FNDC3B: variants seen among roughly 807,000 people sequenced by gnomAD.
FNDC3B encodes fibronectin type III domain-containing protein 3B.
A neutral mutation model predicts 151.5 loss-of-function variants in FNDC3B; 12 were observed. The observed-to-expected ratio is 0.08, with a 90% CI of 0.05 to 0.13. FNDC3B has a LOEUF of 0.13. Among genes scored for constraint, FNDC3B ranks in the 10% least tolerant of loss-of-function variants. The pLI, the probability that FNDC3B is intolerant of heterozygous loss-of-function variation, is 1.00. For missense variants in FNDC3B, 1,214 were observed against 1,505.3 expected (o/e 0.81, Z 3.20); for synonymous variants, 528 against 549.0 (o/e 0.96, Z 0.54).
intron 1 of FNDC3B, among the ~76,000 whole-genome samples, chr3:172,087,376 C>T (rs1236395446): frequency 6.6e-6 from 1 of 152,012 alleles, no homozygotes; most frequent in African/African-American, 2.4e-5. Flanking sequence ...CACATAGAGG[C>T]TGATGTAATA....
chr3:172,202,249 G>A (rs1344057145), intron 3 of FNDC3B, among the ~76,000 whole-genome samples: 1 of 152,064 alleles, frequency 6.6e-6, no homozygotes, highest in African/African-American at 2.4e-5. Flanking sequence ...AGAAATTTGG[G>A]CTAAGCATTC....
Position 172,116,305 on chromosome 3 carries a change from G to A in FNDC3B, c.111+3715G>A, listed in dbSNP as rs1166169088. Among the ~76,000 whole-genome samples, 5 of 152,146 alleles carry A rather than the reference G, an allele frequency of 3.3e-5. No homozygotes were observed. The East Asian group carries it at 9.6e-4, about 29-fold the overall frequency. On this transcript the variant is annotated intron_variant, in intron 2 of 25. Coordinates refer to ENST00000415807, the MANE Select transcript of FNDC3B (RefSeq NM_022763.4). ...ATGTCATACCATTCACCCACTGAAA[G>A]TATACAATCATTGGAATCTGGTATA... is the stretch of plus-strand genomic sequence containing the variant.
rs950781489 is a variant in FNDC3B at position 172,062,233 on chromosome 3, G to A, written c.-29+22462G>A. Among the ~76,000 whole-genome samples, 5 of 151,736 alleles carry A rather than the reference G, an allele frequency of 3.3e-5. No homozygotes were observed. The East Asian group carries it at 9.6e-4, about 29-fold the overall frequency. ...AAATTTATTCTTTTCCTTTTCTAGGGTTGGGAATTTGCCTCCTTTCTTCCT... is the reference window on the plus strand; with the variant it reads ...AAATTTATTCTTTTCCTTTTCTAGGATTGGGAATTTGCCTCCTTTCTTCCT... On this transcript the variant is annotated intron_variant, in intron 1 of 25. Transcript: ENST00000415807.
chr3:172,078,767 A>G (rs1388381879), intron 1 of FNDC3B, among the ~76,000 whole-genome samples: 4 of 152,222 alleles, frequency 2.6e-5, no homozygotes. Context: ...GCTGCCACCC[A>G]GGTGTCTTTC....
At position 172,040,528 on chromosome 3, in the gene FNDC3B, G is replaced by C. The variant is rs1274498430; in HGVS notation, c.-29+757G>C. ...CTGGGGGCGGTAACCGGCGGCCGCG[G>C]CCGGACTTGGCGAGCCGGCGGCTGG... On this transcript the variant is annotated intron_variant, in intron 1 of 25. Coordinates refer to ENST00000415807, the MANE Select transcript of FNDC3B (RefSeq NM_022763.4). The surrounding 1 kb of genome is among the most constrained non-coding windows in gnomAD (Gnocchi z 6.6). 6.6e-6 allele frequency: 1 copy of C among 151,958 alleles called. No individual in the cohort carries two copies. Among genetic ancestry groups the C allele is most frequent in the Non-Finnish European group, 1.5e-5 (1 of 68,076 alleles). 9.4% of individuals were successfully genotyped at this position (151,958 alleles called of 1,614,324 possible).
At chr3:172,284,058 GT>G (rs1270886243) in intron 6 of FNDC3B, among the ~76,000 whole-genome samples, 3 of 152,106 alleles carry the variant, frequency 2.0e-5, no homozygotes, top group Non-Finnish European at 4.4e-5. Flanking sequence ...GTTTGGAGTG[GT>G]GCCAACTACA....
intron 6 of FNDC3B, among the ~76,000 whole-genome samples, chr3:172,259,420 G>A (rs1000658648): frequency 3.3e-5 from 5 of 152,164 alleles, no homozygotes; most frequent in Non-Finnish European, 4.4e-5. Context: ...GGGGCCGAGC[G>A]CACTTGAACG....
At chr3:172,167,256 T>C (rs1348075081) in intron 3 of FNDC3B, among the ~76,000 whole-genome samples, 2 of 152,096 alleles carry the variant, frequency 1.3e-5, no homozygotes, top group Non-Finnish European at 2.9e-5. Context: ...GTTAGCTGGG[T>C]ATGTTGGTGC....
In FNDC3B at chr3:172,207,618, G is replaced by T. The variant is rs560544427; in HGVS notation, c.188-19253G>T. Among the ~76,000 whole-genome samples the T allele has an allele frequency of 6.6e-5, 10 of 152,222 alleles. No individual in the cohort carries two copies. In the East Asian group the frequency reaches 1.9e-3, roughly 29 times the overall value. ...CCATGGGCGGCCATGGGCGGGGCCT[G>T]GAAAAAGTATCATCCAATTGGCCAA... On this transcript the variant is annotated intron_variant, in intron 3 of 25. Transcript: ENST00000415807.
At chr3:172,243,674 A>G (rs746304389) in intron 4 of FNDC3B, among the ~76,000 whole-genome samples, 15 of 152,200 alleles carry the variant, frequency 9.9e-5, no homozygotes, top group East Asian at 1.9e-4. Context: ...CATATCAGCC[A>G]TCTTCCTTTG....
chr3:172,070,234 C>T (rs1383162323), intron 1 of FNDC3B, among the ~76,000 whole-genome samples: 4 of 152,164 alleles, frequency 2.6e-5, no homozygotes, highest in Admixed American at 2.6e-4. Context: ...ATTAAATCAT[C>T]CTGTTACCGT....
At position 172,393,938 on chromosome 3, in the gene FNDC3B, C is replaced by A. The variant is rs145920821; in HGVS notation, c.3304-3226C>A. On this transcript the variant is annotated intron_variant, in intron 25 of 25. Coordinates refer to ENST00000415807, the MANE Select transcript of FNDC3B (RefSeq NM_022763.4). ...CCTGGCTAATAGGGTAAAACCCCTTCTCTACTAAAAATACAAAAAATTAGC... is the reference window on the plus strand; with the variant it reads ...CCTGGCTAATAGGGTAAAACCCCTTATCTACTAAAAATACAAAAAATTAGC... 7.3e-4 allele frequency among the ~76,000 whole-genome samples: 111 copies of A among 151,382 alleles called. 1 individual carries two copies. The East Asian group carries it at 0.019, about 26-fold the overall frequency.
chr3:172,351,382 G>A (rs977299321), intron 21 of FNDC3B, among the ~76,000 whole-genome samples: 1 of 152,228 alleles, frequency 6.6e-6, no homozygotes. Context: ...TCCCTGTGGA[G>A]CAGCAGGGAA....
chr3:172,377,703 T>C (rs1263224286), intron 23 of FNDC3B, among the ~76,000 whole-genome samples: 1 of 152,220 alleles, frequency 6.6e-6, no homozygotes, highest in African/African-American at 2.4e-5. Context: ...ACAGCATTTT[T>C]TTTTCTTTTT....
chr3:172,299,766 A>T (rs748107341), intron 9 of FNDC3B, among the ~76,000 whole-genome samples: 1 of 152,208 alleles, frequency 6.6e-6, no homozygotes, highest in Admixed American at 6.5e-5. Context: ...GAGGCAAGGT[A>T]GCCTAGTAGG....
intron 6 of FNDC3B, among the ~76,000 whole-genome samples, chr3:172,269,894 A>G (rs4894534): frequency 0.61 from 92,065 of 152,012 alleles, 29,476 homozygotes; most frequent in African/African-American, 0.84. Flanking sequence ...TGATCCGCCC[A>G]CCTCAGCCTC....
At chr3:172,285,592 G>A (rs1729968774) in intron 6 of FNDC3B, among the ~76,000 whole-genome samples, 1 of 152,154 alleles carries the variant, frequency 6.6e-6, no homozygotes, top group Non-Finnish European at 1.5e-5. Flanking sequence ...TCAGTTTCCA[G>A]GTACATTGGT....
chr3:172,333,288 T>C, intron 14 of FNDC3B, 113 bp downstream of exon 14: 1 of 719,030 alleles, frequency 1.4e-6, no homozygotes, highest in Non-Finnish European at 2.5e-6. Context: ...CACAGCACTT[T>C]ACATTTTGAA....
chr3:172,321,758 T>A lies in FNDC3B; in HGVS notation c.1255-7194T>A, dbSNP rs938779687. 1.1e-4 allele frequency: 21 copies of A among 192,352 alleles called. No homozygotes were observed. In the East Asian group the frequency reaches 3.2e-3, roughly 29 times the overall value. 11.9% of individuals were successfully genotyped at this position (192,352 alleles called of 1,614,324 possible). A position where few individuals can be genotyped will look rare whatever the true frequency, so the allele number is the denominator to read the frequency against. The stretch of plus-strand genomic sequence containing the variant: ...TTTTATGTTTATTATTTATTTATTT[T>A]TTATAAATTTTTTTTAGTAGAGATG... On this transcript the variant is annotated intron_variant, in intron 11 of 25. Transcript: ENST00000415807.
Sources: allele counts gnomAD v4.1 joint callset (sites outside exome capture counted in the v4.1 genomes callset), GRCh38; gene constraint gnomAD v4.1.1; non-coding constraint Gnocchi (gnomAD v3.1); transcripts MANE v1.5; gene names NCBI Gene and HGNC (gene_info 2026-07-23, HGNC 2026-07-21).